PLPPR5: variants seen among roughly 807,000 people sequenced by gnomAD.
The protein encoded by PLPPR5 is phospholipid phosphatase-related protein type 5.
In PLPPR5, 16 loss-of-function variants were observed where a neutral mutation model predicts 33.9. That is an observed-to-expected ratio of 0.47 (90% CI 0.32 to 0.72). The LOEUF is 0.72. Among genes scored for constraint, PLPPR5 ranks in the 30% least tolerant of loss-of-function variants. PLPPR5 has a pLI of 0.03. For missense variants in PLPPR5, 301 were observed against 406.7 expected, an observed-to-expected ratio of 0.74 and a Z score of 2.23; for synonymous variants, 163 against 150.3, an observed-to-expected ratio of 1.08 and a Z score of -0.62.
intron 1 of PLPPR5, among the ~76,000 whole-genome samples, chr1:98,988,624 G>A (rs1652342556): frequency 6.6e-6 from 1 of 151,858 alleles, no homozygotes; most frequent in Non-Finnish European, 1.5e-5. Flanking sequence ...CTGATGTGTG[G>A]GCCATACTGA....
At chr1:98,975,965 G>C (rs1434068329) in intron 1 of PLPPR5, among the ~76,000 whole-genome samples, 1 of 151,748 alleles carries the variant, frequency 6.6e-6, no homozygotes. Flanking sequence ...TATATACTAA[G>C]AGTTTATTAA....
intron 5 of PLPPR5, among the ~76,000 whole-genome samples, chr1:98,911,131 T>G (rs1300747694): frequency 6.6e-6 from 1 of 152,106 alleles, no homozygotes; most frequent in African/African-American, 2.4e-5. Flanking sequence ...CACCTGGCCT[T>G]GTGGTCATCC....
intron 5 of PLPPR5, among the ~76,000 whole-genome samples, chr1:98,910,472 A>G (rs1031477193): frequency 4.6e-5 from 7 of 152,200 alleles, no homozygotes; most frequent in African/African-American, 1.7e-4. Flanking sequence ...ACAGGAATTA[A>G]GTTTCTATGG....
chr1:98,987,102 T>C (rs1182942072), intron 1 of PLPPR5, among the ~76,000 whole-genome samples: 3 of 151,876 alleles, frequency 2.0e-5, no homozygotes, highest in African/African-American at 7.2e-5. Flanking sequence ...ATATGTAATA[T>C]TGTTTTGATC....
intron 1 of PLPPR5, among the ~76,000 whole-genome samples, chr1:99,002,198 C>A (rs116025203): frequency 6.6e-6 from 1 of 152,266 alleles, no homozygotes; most frequent in Non-Finnish European, 1.5e-5. Flanking sequence ...CAAATGCCAG[C>A]AGCACAGCCA....
intron 5 of PLPPR5, among the ~76,000 whole-genome samples, chr1:98,912,291 T>C (rs72730309): frequency 0.074 from 11,264 of 152,288 alleles, 518 homozygotes; most frequent in Middle Eastern, 0.12. Context: ...TGCATTATAA[T>C]AGGATATTAG....
At chr1:98,924,433 T>C (rs535428495) in intron 3 of PLPPR5, among the ~76,000 whole-genome samples, 3 of 152,230 alleles carry the variant, frequency 2.0e-5, no homozygotes, top group East Asian at 1.9e-4. Flanking sequence ...TGAGCATAAG[T>C]TGAGTACCAG....
intron 1 of PLPPR5, among the ~76,000 whole-genome samples, chr1:98,988,298 C>A (rs965526413): frequency 1.3e-5 from 2 of 152,106 alleles, no homozygotes; most frequent in African/African-American, 4.8e-5. Context: ...TGTATTCAGG[C>A]CAAGTTTAAT....
intron 4 of PLPPR5, among the ~76,000 whole-genome samples, chr1:98,916,155 C>T (rs1222481575): frequency 6.6e-6 from 1 of 152,102 alleles, no homozygotes; most frequent in East Asian, 1.9e-4. Flanking sequence ...TGGTTGCTTT[C>T]CAGTTTTTAA....
intron 1 of PLPPR5, among the ~76,000 whole-genome samples, chr1:98,995,801 T>C (rs969254904): frequency 1.3e-5 from 2 of 152,166 alleles, no homozygotes; most frequent in African/African-American, 4.8e-5. Flanking sequence ...TAAGTTGTTA[T>C]TAAATAACTA....
At chr1:98,995,592 T>C (rs1352482600) in intron 1 of PLPPR5, among the ~76,000 whole-genome samples, 1 of 152,058 alleles carries the variant, frequency 6.6e-6, no homozygotes, top group Admixed American at 6.6e-5. Flanking sequence ...GGCTTATTCT[T>C]AATGGATTTA....
Position 98,921,270 on chromosome 1 carries a change from C to T in PLPPR5, c.798+612G>A, listed in dbSNP as rs189817903. On this transcript the variant is annotated intron_variant, in intron 4 of 5. Transcript: ENST00000263177. The stretch of plus-strand genomic sequence containing the variant: ...GTCACTGTGTATGCTCTTTACTATG[C>T]GGTGAAATATGATTTGACATGGTAT... Among the ~76,000 whole-genome samples the T allele has an allele frequency of 8.5e-4, 129 of 152,186 alleles. 1 individual carries two copies. Among genetic ancestry groups the T allele is most frequent in the Non-Finnish European group, 1.5e-3 (105 of 67,996 alleles).
At chr1:98,963,324 C>T (rs999645312) in intron 1 of PLPPR5, among the ~76,000 whole-genome samples, 1 of 152,228 alleles carries the variant, frequency 6.6e-6, no homozygotes, top group Non-Finnish European at 1.5e-5. Context: ...TGATAATTTG[C>T]ATATGCGTTT....
chr1:98,915,652 T>A (rs1649317703), intron 4 of PLPPR5, among the ~76,000 whole-genome samples: 1 of 152,098 alleles, frequency 6.6e-6, no homozygotes, highest in Non-Finnish European at 1.5e-5. Flanking sequence ...GGATTATATC[T>A]CACTGGTGAC....
At chr1:98,935,199 G>C (rs1650132217) in intron 3 of PLPPR5, among the ~76,000 whole-genome samples, 1 of 152,182 alleles carries the variant, frequency 6.6e-6, no homozygotes, top group Non-Finnish European at 1.5e-5. Context: ...ATTAAGCCAA[G>C]TGCTGGAGAC....
chr1:98,961,421 T>G (rs1363242050), intron 1 of PLPPR5, among the ~76,000 whole-genome samples: 1 of 152,172 alleles, frequency 6.6e-6, no homozygotes, highest in Non-Finnish European at 1.5e-5. Context: ...TAGATTGAGT[T>G]TGCCTTGAAG....
At position 98,893,120 on chromosome 1, in the gene PLPPR5, G is replaced by A. The variant is rs567970456; in HGVS notation, c.934-16C>T. On this transcript the variant is annotated splice_polypyrimidine_tract_variant and intron_variant, in intron 5 of 5. Coordinates refer to ENST00000263177, the MANE Select transcript of PLPPR5 (RefSeq NM_001037317.2). The stretch of plus-strand genomic sequence containing the variant: ...TGATGTGGTTCTGCAAAAAGAAAAA[G>A]GAATGACAAAGTGAGAGGCTTGGGA... 18 of 1,609,480 alleles carry A rather than the reference G, an allele frequency of 1.1e-5. No homozygotes were observed. The African/African-American group carries it at 2.0e-4, about 18-fold the overall frequency.
At chr1:98,924,726 G>A (rs749808483) in intron 3 of PLPPR5, among the ~76,000 whole-genome samples, 1 of 152,110 alleles carries the variant, frequency 6.6e-6, no homozygotes, top group Non-Finnish European at 1.5e-5. Flanking sequence ...TCTCTTGAAT[G>A]TCGAGTTGAT....
At chr1:98,993,556 G>A (rs1419791892) in intron 1 of PLPPR5, among the ~76,000 whole-genome samples, 1 of 152,046 alleles carries the variant, frequency 6.6e-6, no homozygotes, top group Non-Finnish European at 1.5e-5. Context: ...AGACACATGT[G>A]AAGGAAGAGG....
Sources: gnomAD v4.1 joint callset for allele counts (sites outside exome capture counted in the v4.1 genomes callset) on GRCh38, gnomAD v4.1.1 for gene constraint, MANE v1.5 for transcripts, NCBI Gene and HGNC (gene_info 2026-07-23, HGNC 2026-07-21) for gene names.